PYGB: variants seen among roughly 807,000 people sequenced by gnomAD.
The protein encoded by PYGB is glycogen phosphorylase, brain form.
PYGB carries 82 observed loss-of-function variants against 94.3 expected under a neutral mutation model. The ratio of observed to expected loss-of-function variants is 0.87; its 90% CI spans 0.73 to 1.04. The LOEUF is 1.04. PYGB is among the 50% of genes least tolerant of loss of function. The pLI is 0.00. For synonymous variants in PYGB, 488 were observed against 479.1 expected, an observed-to-expected ratio of 1.02 and a Z score of -0.24; for missense variants, 1,132 against 1,158.2, an observed-to-expected ratio of 0.98 and a Z score of 0.33.
chr20:25,276,460 A>T (rs2088311500), intron 5 of PYGB, among the ~76,000 whole-genome samples, 186 bp from the exon 6 acceptor site: 1 of 151,344 alleles, frequency 6.6e-6, no homozygotes, highest in South Asian at 2.1e-4. Context: ...TGGGCACCAC[A>T]GGGGAGGGCG....
chr20:25,248,545 G>A, intron 1 of PYGB, 124 bp downstream of exon 1: 1 of 1,190,480 alleles, frequency 8.4e-7, no homozygotes, highest in Non-Finnish European at 1.0e-6. Context: ...GCCGGCCGGC[G>A]GCCAGGCACA....
intron 2 of PYGB, among the ~76,000 whole-genome samples, chr20:25,266,457 A>G (rs1231886041): frequency 6.6e-6 from 1 of 152,210 alleles, no homozygotes; most frequent in Non-Finnish European, 1.5e-5. Context: ...AGAAAAATAT[A>G]TAGGGATCAA....
intron 7 of PYGB, 110 bp downstream of exon 7, chr20:25,277,436 C>T (rs1037790885): frequency 5.8e-6 from 6 of 1,037,952 alleles, no homozygotes; most frequent in Admixed American, 2.1e-5. Flanking sequence ...CCTTGGCAAG[C>T]AGCCACCTGG....
At chr20:25,272,760 T>G (rs2088278204) in intron 4 of PYGB, among the ~76,000 whole-genome samples, 1 of 152,316 alleles carries the variant, frequency 6.6e-6, no homozygotes. Flanking sequence ...TCCGCGTGCC[T>G]GAGCTCCAGG....
At position 25,292,613 on chromosome 20, in the gene PYGB, G is replaced by T; in HGVS notation, c.2177G>T (p.Gly726Val). 6.2e-7 allele frequency: 1 copy of T among 1,610,126 alleles called. No individual in the cohort carries two copies. The highest frequency in any genetic ancestry group is 8.5e-7 in the Non-Finnish European group (1 of 1,179,200). Residue 726 changes from glycine to valine, a missense_variant and splice_region_variant, in exon 17 of 20, where the codon GGG becomes GTG. Coordinates refer to ENST00000216962, the MANE Select transcript of PYGB (RefSeq NM_002862.4). The stretch of plus-strand genomic sequence containing the variant: ...GATGTCGAGGCCTTGGACCGGAAAG[G>T]GTGCGAGCCTGTGCCCCTGGGCACC... ...VEDVEALDRK[G>V]YNAREYYDHL... is the part of the protein sequence containing the mutation.
At position 25,256,039 on chromosome 20, in the gene PYGB, C is replaced by CT. The variant is rs2092901869; in HGVS notation, c.244-3195dup. Reference sequence around the variant, plus strand: ...TGAGCCATCACACCTGGCTCCAGCTCTTTCTTTTGTTTCCCTGAATGTTGG... The same window carrying CT: ...TGAGCCATCACACCTGGCTCCAGCTCTTTTCTTTTGTTTCCCTGAATGTTGG... On this transcript the variant is annotated intron_variant, in intron 1 of 19. Coordinates refer to ENST00000216962, the MANE Select transcript of PYGB (RefSeq NM_002862.4). Among the ~76,000 whole-genome samples the CT allele has an allele frequency of 6.6e-5, 10 of 152,274 alleles. 1 individual carries two copies. In the South Asian group the frequency reaches 2.1e-3, roughly 32 times the overall value.
intron 16 of PYGB, among the ~76,000 whole-genome samples, chr20:25,291,677 T>C (rs2088469003): frequency 6.6e-6 from 1 of 151,932 alleles, no homozygotes; most frequent in Admixed American, 6.6e-5. Context: ...TGCCTGAGGC[T>C]CCCCTCCTCC....
At chr20:25,289,191 C>G (rs558669221) in intron 15 of PYGB, among the ~76,000 whole-genome samples, 34 of 152,346 alleles carry the variant, frequency 2.2e-4, no homozygotes, top group African/African-American at 8.2e-4. Flanking sequence ...GGGCACTCCT[C>G]TGGGCTCCGC....
rs1249386729 is a variant in PYGB at position 25,253,809 on chromosome 20, A to G, written c.243+5388A>G. Among the ~76,000 whole-genome samples, 3 of 152,148 alleles carry G rather than the reference A, an allele frequency of 2.0e-5. No individual in the cohort carries two copies. In the East Asian group the frequency reaches 5.8e-4, roughly 29 times the overall value. On this transcript the variant is annotated intron_variant, in intron 1 of 19. Coordinates refer to ENST00000216962, the MANE Select transcript of PYGB (RefSeq NM_002862.4). ...GATTCCCCAGATGTTAAACATTGCA[A>G]CACACTTGTTAGGTCATTTTGTCGC...
chr20:25,265,521 CT>C (rs2088208915), intron 2 of PYGB, among the ~76,000 whole-genome samples: 1 of 151,238 alleles, frequency 6.6e-6, no homozygotes, highest in South Asian at 2.1e-4. Flanking sequence ...ATTTGTATAT[CT>C]TGTTTGAAGA....
chr20:25,265,634 G>A (rs545924762), intron 2 of PYGB, among the ~76,000 whole-genome samples: 29 of 136,828 alleles, frequency 2.1e-4, no homozygotes, highest in Non-Finnish European at 3.0e-4. Context: ...TTGCTCTGTC[G>A]CCCAGGCTGG....
chr20:25,287,747 A>G (rs895577029), intron 14 of PYGB, among the ~76,000 whole-genome samples: 2 of 152,046 alleles, frequency 1.3e-5, no homozygotes, highest in Non-Finnish European at 2.9e-5. Context: ...TGGGAGGCTG[A>G]GGCGGAAGGG....
At chr20:25,291,357 G>A (rs1054717848) in intron 16 of PYGB, among the ~76,000 whole-genome samples, 12 of 152,152 alleles carry the variant, frequency 7.9e-5, no homozygotes, top group Admixed American at 3.3e-4. Context: ...TGGCCTTCTC[G>A]TGCTCCCCTC....
chr20:25,276,800 G>T (rs2088316143), intron 6 of PYGB, 43 bp downstream of exon 6: 4 of 1,553,184 alleles, frequency 2.6e-6, no homozygotes, highest in East Asian at 4.6e-5. Context: ...CATGTGGGTG[G>T]CTGGTCCCAG....
At chr20:25,292,939 C>T (rs1276131921) in intron 17 of PYGB, among the ~76,000 whole-genome samples, 6 of 152,004 alleles carry the variant, frequency 3.9e-5, no homozygotes, top group South Asian at 4.1e-4. Flanking sequence ...AGGGACACCC[C>T]CTGGGCACAG....
rs1046319047 is a variant in PYGB at position 25,296,732 on chromosome 20, G to A, written c.*210G>A. 6 of 669,062 alleles carry A rather than the reference G, an allele frequency of 9.0e-6. No individual in the cohort carries two copies. Among genetic ancestry groups the A allele is most frequent in the African/African-American group, 1.8e-5 (1 of 54,878 alleles). 41.4% of individuals were successfully genotyped at this position (669,062 alleles called of 1,614,324 possible). ...GTGCTCCTAGTTTCTTGTAAAGGAA[G>A]CCAGAGTTGACAGTACAAAGGGTCG... On this transcript the variant is annotated 3_prime_UTR_variant, in exon 20 of 20. Coordinates refer to ENST00000216962, the MANE Select transcript of PYGB (RefSeq NM_002862.4).
chr20:25,271,489 G>A lies in PYGB; in HGVS notation c.528+3G>A, dbSNP rs199877193. The A allele has an allele frequency of 6.2e-7, 1 of 1,609,306 alleles. No homozygotes were observed. Among genetic ancestry groups the A allele is most frequent in the Non-Finnish European group, 8.5e-7 (1 of 1,175,564 alleles). On this transcript the variant is annotated splice_donor_region_variant and intron_variant, in intron 4 of 19. Coordinates refer to ENST00000216962, the MANE Select transcript of PYGB (RefSeq NM_002862.4). ...AGAAGATTGTCAATGGCTGGCAGGT[G>A]GGTGAGATTTCATTTCTTCACTGGT...
rs540646536 is a variant in PYGB, at chr20:25,266,888, T to A, written c.346-2241T>A. Among the ~76,000 whole-genome samples, 136 of 152,376 alleles carry A rather than the reference T, an allele frequency of 8.9e-4. 1 individual carries two copies. The highest frequency in any genetic ancestry group is 3.2e-3 in the African/African-American group (132 of 41,594). On this transcript the variant is annotated intron_variant, in intron 2 of 19. Transcript: ENST00000216962. ...TGGTGAGGATATAGAGCAGTTGGTGTGACTGTCAAATCTTGCAGTCACTTT... is the reference window on the plus strand; with the variant it reads ...TGGTGAGGATATAGAGCAGTTGGTGAGACTGTCAAATCTTGCAGTCACTTT...
intron 2 of PYGB, among the ~76,000 whole-genome samples, chr20:25,262,670 T>TG (rs1221247637): frequency 6.9e-6 from 1 of 144,698 alleles, no homozygotes; most frequent in African/African-American, 2.8e-5. Context: ...CCATTTTGAC[T>TG]TGACTGGATA....
Sources: gnomAD v4.1 joint callset for allele counts (sites outside exome capture counted in the v4.1 genomes callset) on GRCh38, gnomAD v4.1.1 for gene constraint, MANE v1.5 for transcripts, NCBI Gene and HGNC (gene_info 2026-07-23, HGNC 2026-07-21) for gene names.